The following WDR25 variants were observed in gnomAD, a reference collection of about 807,000 sequenced individuals.
WDR25 encodes the protein WD repeat domain 25, also known as WD repeat-containing protein 25.
A neutral mutation model predicts 47.7 loss-of-function variants in WDR25; 35 were observed. The observed-to-expected ratio is 0.73, with a 90% CI of 0.56 to 0.97. The LOEUF is 0.97. WDR25 is among the 50% of genes least tolerant of loss of function. The pLI is 0.00. For missense variants in WDR25, 634 were observed against 704.7 expected (o/e 0.90, Z 1.14); for synonymous variants, 248 against 278.9 (o/e 0.89, Z 1.10).
intron 2 of WDR25, among the ~76,000 whole-genome samples, chr14:100,433,623 G>A (rs568559658): frequency 5.3e-5 from 8 of 152,114 alleles, no homozygotes; most frequent in Admixed American, 2.0e-4. Flanking sequence ...CGCTTGTCAC[G>A]TGGGGATTTC....
At chr14:100,420,239 C>T (rs758004342) in intron 2 of WDR25, among the ~76,000 whole-genome samples, 4 of 152,256 alleles carry the variant, frequency 2.6e-5, no homozygotes, top group African/African-American at 2.4e-5. Context: ...CCCCACTTCC[C>T]TCCACTGGCT....
Position 100,525,845 on chromosome 14 carries a change from G to C in WDR25, c.1102-25G>C. On this transcript the variant is annotated intron_variant, in intron 4 of 6. Coordinates refer to ENST00000402312, the MANE Select transcript of WDR25 (RefSeq NM_001161476.3). This position sits in a 1 kb window ranked among gnomAD's most constrained non-coding sequence, Gnocchi z 4.6. ...CCTGTCCGTGCTGCCAGGCCTGCCAGCATGACCGGTGTCCGCTCTTGCAGG... is the reference window on the plus strand; with the variant it reads ...CCTGTCCGTGCTGCCAGGCCTGCCACCATGACCGGTGTCCGCTCTTGCAGG... 1 of 1,610,188 alleles carries C rather than the reference G, an allele frequency of 6.2e-7. No individual in the cohort carries two copies. The highest frequency in any genetic ancestry group is 8.5e-7 in the Non-Finnish European group (1 of 1,177,260).
chr14:100,431,713 A>AT lies in WDR25; in HGVS notation c.823-36294dup, dbSNP rs1215092627. ...AGGTGCCTGCCACCATGCCCAACTA[A>AT]TTTTTTTTTTTTTTGAGATGGAGTC... On this transcript the variant is annotated intron_variant, in intron 2 of 6. Transcript: ENST00000402312. 5.5e-3 allele frequency among the ~76,000 whole-genome samples: 651 copies of AT among 117,460 alleles called. 1 individual carries two copies. The highest frequency in any genetic ancestry group is 0.011 in the African/African-American group (364 of 32,462). The allele number at this position is 117,460 out of a possible 152,430, so 77.1% of individuals were successfully genotyped here.
intron 4 of WDR25, among the ~76,000 whole-genome samples, chr14:100,486,583 C>CGT (rs2140324661): frequency 6.6e-6 from 1 of 152,306 alleles, no homozygotes; most frequent in African/African-American, 2.4e-5. Context: ...CAAATGGACT[C>CGT]GGCAGGAGGA....
intron 4 of WDR25, among the ~76,000 whole-genome samples, chr14:100,518,812 T>G (rs1018519433): frequency 6.6e-6 from 1 of 151,950 alleles, no homozygotes; most frequent in Non-Finnish European, 1.5e-5. Flanking sequence ...AAGAATCGCT[T>G]GAACCTGGGA....
chr14:100,397,236 C>T (rs1451560912), intron 2 of WDR25, among the ~76,000 whole-genome samples: 2 of 152,174 alleles, frequency 1.3e-5, no homozygotes, highest in East Asian at 1.9e-4. Flanking sequence ...TTCAGCTTCT[C>T]GGTCGGAAGA....
intron 3 of WDR25, among the ~76,000 whole-genome samples, chr14:100,478,582 CAAAG>C (rs1900096721): frequency 6.6e-6 from 1 of 152,122 alleles, no homozygotes; most frequent in African/African-American, 2.4e-5. Context: ...ACCCTTTTAA[CAAAG>C]AAAAGCAGTA....
At chr14:100,471,372 ACCTATGTCTCCC>A (rs1899826958) in intron 3 of WDR25, among the ~76,000 whole-genome samples, 1 of 151,930 alleles carries the variant, frequency 6.6e-6, no homozygotes, top group African/African-American at 2.4e-5. Flanking sequence ...GGGGGCCTCC[ACCTATGTCTCCC>A]CCTATGTCTC....
intron 2 of WDR25, among the ~76,000 whole-genome samples, chr14:100,432,394 T>C (rs2140233498): frequency 6.6e-6 from 1 of 152,338 alleles, no homozygotes; most frequent in South Asian, 2.1e-4. Flanking sequence ...CTTCCAAAAA[T>C]GTAGCATGCT....
chr14:100,405,535 C>A (rs1897510302), intron 2 of WDR25, among the ~76,000 whole-genome samples: 1 of 152,156 alleles, frequency 6.6e-6, no homozygotes, highest in South Asian at 2.1e-4. Flanking sequence ...GGAGGCTGGG[C>A]CCCCTGGAGG....
At chr14:100,389,916 C>G (rs1049191531) in intron 2 of WDR25, among the ~76,000 whole-genome samples, 2 of 152,178 alleles carry the variant, frequency 1.3e-5, no homozygotes, top group Non-Finnish European at 2.9e-5. Flanking sequence ...TGCTGAAGGT[C>G]GTTGACTTTG....
chr14:100,429,063 A>C (rs1727174746), intron 2 of WDR25, among the ~76,000 whole-genome samples: 1 of 152,204 alleles, frequency 6.6e-6, no homozygotes, highest in African/African-American at 2.4e-5. Context: ...ACTCGTTTGT[A>C]ACATTTTAGA....
At chr14:100,447,897 C>CT (rs1356982714) in intron 2 of WDR25, among the ~76,000 whole-genome samples, 4 of 151,934 alleles carry the variant, frequency 2.6e-5, no homozygotes, top group African/African-American at 9.7e-5. Flanking sequence ...AGTAACTGCA[C>CT]TTTAAAAAAA....
intron 4 of WDR25, among the ~76,000 whole-genome samples, chr14:100,487,360 C>T (rs1483820949): frequency 6.6e-6 from 1 of 152,192 alleles, no homozygotes; most frequent in Non-Finnish European, 1.5e-5. Context: ...AAACTATAGC[C>T]TAAGGCTAGT....
rs528274232 is a variant in WDR25 at position 100,502,308 on chromosome 14, G to T, written c.1101+18184G>T. Among the ~76,000 whole-genome samples the T allele has an allele frequency of 6.6e-6, 1 of 152,154 alleles. No homozygotes were observed. Among genetic ancestry groups the T allele is most frequent in the African/African-American group, 2.4e-5 (1 of 41,442 alleles). Reference sequence around the variant, plus strand: ...CCTGCTTAAGGGGAAAGGCCTTAAGGCTCTCATGAGCCCCCCACATTCAGT... The same window carrying T: ...CCTGCTTAAGGGGAAAGGCCTTAAGTCTCTCATGAGCCCCCCACATTCAGT... On this transcript the variant is annotated intron_variant, in intron 4 of 6. Coordinates refer to ENST00000402312, the MANE Select transcript of WDR25 (RefSeq NM_001161476.3). The surrounding 1 kb of genome is among the most constrained non-coding windows in gnomAD (Gnocchi z 4.5).
At chr14:100,485,713 AGAGG>A (rs1410659428) in intron 4 of WDR25, among the ~76,000 whole-genome samples, 2 of 152,198 alleles carry the variant, frequency 1.3e-5, no homozygotes, top group African/African-American at 4.8e-5. Context: ...CATGTGTTCC[AGAGG>A]GAGGAGGGTG....
Position 100,506,497 on chromosome 14 carries a change from C to T in WDR25, c.1102-19373C>T, listed in dbSNP as rs1901115500. 6.6e-6 allele frequency among the ~76,000 whole-genome samples: 1 copy of T among 152,190 alleles called. No individual in the cohort carries two copies. Among genetic ancestry groups the T allele is most frequent in the Non-Finnish European group, 1.5e-5 (1 of 68,018 alleles). On this transcript the variant is annotated intron_variant, in intron 4 of 6. Coordinates refer to ENST00000402312, the MANE Select transcript of WDR25 (RefSeq NM_001161476.3). The surrounding 1 kb of genome is among the most constrained non-coding windows in gnomAD (Gnocchi z 4.8). ...CTTTGAGAAACCTCCAAACTGCTTTCCACAATGGCTGAAATAACTTACATT... is the reference window on the plus strand; with the variant it reads ...CTTTGAGAAACCTCCAAACTGCTTTTCACAATGGCTGAAATAACTTACATT...
Position 100,523,269 on chromosome 14 carries a change from G to A in WDR25, c.1102-2601G>A, listed in dbSNP as rs1460284477. ...GGGTGACCCAGAAATGTGGGCAGCA[G>A]GGCGTCTGTGCCAGGAGCTCACAGT... On this transcript the variant is annotated intron_variant, in intron 4 of 6. Transcript: ENST00000402312. The surrounding 1 kb of genome is among the most constrained non-coding windows in gnomAD (Gnocchi z 4.7). 6.6e-6 allele frequency among the ~76,000 whole-genome samples: 1 copy of A among 152,226 alleles called. No individual in the cohort carries two copies. Among genetic ancestry groups the A allele is most frequent in the Non-Finnish European group, 1.5e-5 (1 of 68,040 alleles).
At position 100,525,210 on chromosome 14, in the gene WDR25, C is replaced by T. The variant is rs192587067; in HGVS notation, c.1102-660C>T. Among the ~76,000 whole-genome samples, 134 of 152,284 alleles carry T rather than the reference C, an allele frequency of 8.8e-4. 2 individuals carry two copies. Among genetic ancestry groups the T allele is most frequent in the African/African-American group, 3.0e-3 (124 of 41,546 alleles). On this transcript the variant is annotated intron_variant, in intron 4 of 6. Transcript: ENST00000402312. This position sits in a 1 kb window ranked among gnomAD's most constrained non-coding sequence, Gnocchi z 4.6. ...CCTGGTACTGGGACCCTTCTCCATC[C>T]CCTCACCAGAGCTGGATACTTGAGA...
Sources: gnomAD v4.1 joint callset for allele counts (sites outside exome capture counted in the v4.1 genomes callset) on GRCh38, gnomAD v4.1.1 for gene constraint, Gnocchi (gnomAD v3.1) non-coding constraint, MANE v1.5 for transcripts, NCBI Gene and HGNC (gene_info 2026-07-23, HGNC 2026-07-21) for gene names.